Variants in ITGA4 observed in about 807,000 individuals in gnomAD.
The protein encoded by ITGA4 is integrin alpha-4.
ITGA4 carries 63 observed loss-of-function variants against 133.6 expected under a neutral mutation model. The ratio of observed to expected loss-of-function variants is 0.47; its 90% CI spans 0.38 to 0.58. The LOEUF (loss-of-function observed/expected upper bound fraction) is 0.58, where lower values mean the gene tolerates loss of function less well. Ranked by LOEUF, ITGA4 falls within the 20% of genes least tolerant of loss-of-function variation. ITGA4 has a pLI of 0.00. For missense variants in ITGA4, 1,076 were observed against 1,252.7 expected (o/e 0.86, Z 2.13); for synonymous variants, 483 against 438.0 (o/e 1.10, Z -1.28).
rs1687291789 is a variant in ITGA4 at position 181,538,216 on chromosome 2, C to T, written c.*2689C>T. ...GGAATCATTTCTTCCATGCTTCCTC[C>T]ATAAAGACTGATAAGTCTTGGATGC... On this transcript the variant is annotated 3_prime_UTR_variant, in exon 28 of 28. Transcript: ENST00000397033. 3 of 1,590,416 alleles carry T rather than the reference C, an allele frequency of 1.9e-6. No individual in the cohort carries two copies. The highest frequency in any genetic ancestry group is 3.3e-5 in the Admixed American group (2 of 59,892).
chr2:181,493,293 T>A, intron 10 of ITGA4, 32 bp from the exon 11 acceptor site: 1 of 1,468,260 alleles, frequency 6.8e-7, no homozygotes, highest in Non-Finnish European at 9.5e-7. Flanking sequence ...GTATCAAGAA[T>A]TTATTTTTCC....
chr2:181,484,011 A>T (rs1343903909), intron 9 of ITGA4, among the ~76,000 whole-genome samples: 1 of 152,188 alleles, frequency 6.6e-6, no homozygotes, highest in Admixed American at 6.5e-5. Flanking sequence ...TTAATAATTG[A>T]TTCCAGCTTT....
At position 181,529,522 on chromosome 2, in the gene ITGA4, A is replaced by C. The variant is rs1190785324; in HGVS notation, c.2431-19A>C. 1.6e-6 allele frequency: 2 copies of C among 1,287,852 alleles called. No homozygotes were observed. The highest frequency in any genetic ancestry group is 4.6e-5 in the East Asian group (2 of 43,096). 79.8% of individuals were successfully genotyped at this position (1,287,852 alleles called of 1,614,324 possible). A position where few individuals can be genotyped will look rare whatever the true frequency, so the allele number is the denominator to read the frequency against. On this transcript the variant is annotated intron_variant, in intron 22 of 27. Coordinates refer to ENST00000397033, the MANE Select transcript of ITGA4 (RefSeq NM_000885.6). ...ATAGAAAACATTTAATTTGTTAAAA[A>C]ATTTTTCCTTCTTATCAGGTTATCA... is the stretch of plus-strand genomic sequence containing the variant.
intron 5 of ITGA4, chr2:181,479,191 TCA>T (rs985077656): frequency 2.1e-4 from 33 of 158,526 alleles, no homozygotes; most frequent in African/African-American, 7.4e-4. Flanking sequence ...AGGAAGAATA[TCA>T]GTCTATATTT....
In ITGA4 at chr2:181,523,596, T is replaced by A. The variant is rs1215234041; in HGVS notation, c.2169+64T>A. On this transcript the variant is annotated intron_variant, in intron 19 of 27. Transcript: ENST00000397033. The surrounding 1 kb of genome is among the most constrained non-coding windows in gnomAD (Gnocchi z 4.2). ...GAATATTTTTTTCTATTCTTCCCTA[T>A]CTTTAGGTTGCATAGAAAATATTAT... is the stretch of plus-strand genomic sequence containing the variant. 1 of 865,236 alleles carries A rather than the reference T, an allele frequency of 1.2e-6. No individual in the cohort carries two copies. The highest frequency in any genetic ancestry group is 1.9e-6 in the Non-Finnish European group (1 of 522,792). The allele number at this position is 865,236 out of a possible 1,614,324, so 53.6% of individuals were successfully genotyped here. A position where few individuals can be genotyped will look rare whatever the true frequency, so the allele number is the denominator to read the frequency against.
chr2:181,528,031 C>CA (rs1016943437), intron 22 of ITGA4, among the ~76,000 whole-genome samples: 10 of 150,576 alleles, frequency 6.6e-5, no homozygotes, highest in South Asian at 6.3e-4. Context: ...ATATAATTTC[C>CA]AAAAAAAAAT....
At chr2:181,473,516 G>A (rs909248167) in intron 2 of ITGA4, among the ~76,000 whole-genome samples, 3 of 152,194 alleles carry the variant, frequency 2.0e-5, no homozygotes, top group African/African-American at 7.2e-5. Flanking sequence ...ATCTCCAGAG[G>A]AGGAGCTCAA....
chr2:181,526,299 T>C (rs1415037247), intron 21 of ITGA4, among the ~76,000 whole-genome samples: 1 of 152,234 alleles, frequency 6.6e-6, no homozygotes, highest in East Asian at 1.9e-4. Flanking sequence ...TCTCATTATT[T>C]TGAACAAGGT....
At chr2:181,517,111 C>T (rs1472203022) in intron 17 of ITGA4, among the ~76,000 whole-genome samples, 2 of 151,822 alleles carry the variant, frequency 1.3e-5, no homozygotes, top group African/African-American at 4.8e-5. Flanking sequence ...TGTCTTTTTC[C>T]CTGAAGTCAG....
intron 27 of ITGA4, 109 bp downstream of exon 27, chr2:181,535,044 C>A: frequency 8.0e-7 from 1 of 1,255,434 alleles, no homozygotes; most frequent in Non-Finnish European, 1.1e-6. Context: ...TGAATGTTAA[C>A]TTTTTATGTT....
In ITGA4 at chr2:181,536,350, G is replaced by C. The variant is rs1687087835; in HGVS notation, c.*823G>C. On this transcript the variant is annotated 3_prime_UTR_variant, in exon 28 of 28. Transcript: ENST00000397033. ...ATCTTCAAATCTTTTGTTATATTCT[G>C]AAACAAAAGATTGTGAGTGTTGCAC... Among the ~76,000 whole-genome samples the C allele has an allele frequency of 6.6e-6, 1 of 151,304 alleles. No individual in the cohort carries two copies. Among genetic ancestry groups the C allele is most frequent in the South Asian group, 2.1e-4 (1 of 4,808 alleles).
chr2:181,511,988 G>C (rs1040679623), intron 17 of ITGA4, among the ~76,000 whole-genome samples: 1 of 151,906 alleles, frequency 6.6e-6, no homozygotes, highest in Non-Finnish European at 1.5e-5. Context: ...AATTTAAAAA[G>C]GAATAAACTA....
At chr2:181,527,708 G>A (rs962225942) in intron 22 of ITGA4, among the ~76,000 whole-genome samples, 1 of 140,684 alleles carries the variant, frequency 7.1e-6, no homozygotes, top group Non-Finnish European at 1.7e-5. Context: ...AACAGGACAG[G>A]CCAAGGGAAG....
chr2:181,478,627 T>A, intron 4 of ITGA4, 130 bp from the exon 5 acceptor site: 1 of 434,454 alleles, frequency 2.3e-6, no homozygotes. Flanking sequence ...ATATCAAGGT[T>A]ACTGGTTTTT....
intron 21 of ITGA4, among the ~76,000 whole-genome samples, chr2:181,525,610 T>G (rs1157309034): frequency 1.3e-5 from 2 of 152,212 alleles, no homozygotes; most frequent in Admixed American, 1.3e-4. Flanking sequence ...TTAGGCAGTA[T>G]GCAGTCTGCA....
At chr2:181,484,522 T>C (rs1685872543) in intron 9 of ITGA4, among the ~76,000 whole-genome samples, 1 of 152,220 alleles carries the variant, frequency 6.6e-6, no homozygotes, top group Non-Finnish European at 1.5e-5. Context: ...CAAGCTGTTT[T>C]ATCCCTGACT....
At chr2:181,531,942 T>TA (rs1686954055) in intron 25 of ITGA4, among the ~76,000 whole-genome samples, 166 bp downstream of exon 25, 1 of 152,232 alleles carries the variant, frequency 6.6e-6, no homozygotes, top group Non-Finnish European at 1.5e-5. Flanking sequence ...ACTATCTACA[T>TA]TGACTAAGTG....
intron 2 of ITGA4, among the ~76,000 whole-genome samples, chr2:181,469,811 A>G: frequency 6.6e-6 from 1 of 152,106 alleles, no homozygotes; most frequent in Non-Finnish European, 1.5e-5. Flanking sequence ...AAACTATCAC[A>G]AGAACAAAAA....
At chr2:181,467,623 T>C (rs155146) in intron 2 of ITGA4, among the ~76,000 whole-genome samples, 4,131 of 152,258 alleles carry the variant, frequency 0.027, 92 homozygotes, top group African/African-American at 0.066. Context: ...GTGACCTTTT[T>C]CTTGAACAAG....
Sources: gnomAD v4.1 joint callset for allele counts (sites outside exome capture counted in the v4.1 genomes callset) on GRCh38, gnomAD v4.1.1 for gene constraint, Gnocchi (gnomAD v3.1) non-coding constraint, MANE v1.5 for transcripts, NCBI Gene and HGNC (gene_info 2026-07-23, HGNC 2026-07-21) for gene names.